Variants in ZZEF1 observed in about 807,000 individuals in gnomAD.
ZZEF1 encodes zinc finger ZZ-type and EF-hand domain-containing protein 1.
In ZZEF1, 157 loss-of-function variants were observed where a neutral mutation model predicts 342.8. The ratio of observed to expected loss-of-function variants is 0.46; its 90% confidence interval spans 0.40 to 0.52. ZZEF1 has a LOEUF of 0.52. Ranked by LOEUF, ZZEF1 falls within the 20% of genes least tolerant of loss-of-function variation. The pLI is 0.00. For synonymous variants in ZZEF1, 1,505 were observed against 1,429.1 expected, an observed-to-expected ratio of 1.05 and a Z score of -1.20; for missense variants, 3,480 against 3,725.6, an observed-to-expected ratio of 0.93 and a Z score of 1.72.
chr17:4,079,082 T>C (rs1022406409), intron 18 of ZZEF1, among the ~76,000 whole-genome samples: 3 of 152,256 alleles, frequency 2.0e-5, no homozygotes, highest in African/African-American at 7.2e-5. Context: ...TATACAATTA[T>C]GCGAAATTCT....
intron 24 of ZZEF1, among the ~76,000 whole-genome samples, chr17:4,073,408 T>C (rs1027447020): frequency 6.6e-6 from 1 of 152,054 alleles, no homozygotes; most frequent in South Asian, 2.1e-4. Flanking sequence ...AAGAATTAAA[T>C]AAACAATTAT....
chr17:4,121,788 T>C (rs1042030270), intron 2 of ZZEF1, among the ~76,000 whole-genome samples: 4 of 151,740 alleles, frequency 2.6e-5, no homozygotes, highest in African/African-American at 7.3e-5. Flanking sequence ...AGTGGCGTGA[T>C]CACGGCTCAC....
Position 4,006,883 on chromosome 17 carries a change from C to T in ZZEF1, c.*7G>A. 1 of 1,580,180 alleles carries T rather than the reference C, an allele frequency of 6.3e-7. No homozygotes were observed. ...ATGAACTAGTCCCATGCACGCCCCA[C>T]CAAGGGCTAACACTCCACATTCCAG... On this transcript the variant is annotated 3_prime_UTR_variant, in exon 55 of 55. Transcript: ENST00000381638.
At chr17:4,132,763 A>C (rs12947193) in intron 1 of ZZEF1, among the ~76,000 whole-genome samples, 32 of 61,610 alleles carry the variant, frequency 5.2e-4, no homozygotes, top group African/African-American at 1.1e-3. Context: ...TCAGGAGATC[A>C]AGACCATCCT....
Position 4,109,732 on chromosome 17 carries a change from A to G in ZZEF1, c.1198T>C (p.Trp400Arg). 1 of 1,614,202 alleles carries G rather than the reference A, an allele frequency of 6.2e-7. No homozygotes were observed. The highest frequency in any genetic ancestry group is 8.5e-7 in the Non-Finnish European group (1 of 1,180,038). Reference protein sequence around the residue: ...SVSDASAIWYWSLLTSLVTAS... With the variant: ...SVSDASAIWYRSLLTSLVTAS... Reference sequence around the variant, plus strand: ...GTCACCAGAGATGTCAGCAGAGACCAATACCATATTGCAGAAGCATCTGAG... The same window carrying G: ...GTCACCAGAGATGTCAGCAGAGACCGATACCATATTGCAGAAGCATCTGAG... The change falls in exon 6 of 55, where the codon TGG becomes CGG. Residue 400 changes from tryptophan to arginine, a missense_variant. This residue lies in a region of ZZEF1 where 1,528 missense variants were observed against 1,624.1 expected (regional missense o/e 0.94). Coordinates refer to ENST00000381638, the MANE Select transcript of ZZEF1 (RefSeq NM_015113.4).
chr17:4,110,135 T>G (rs1055717622), intron 5 of ZZEF1, among the ~76,000 whole-genome samples: 2 of 152,166 alleles, frequency 1.3e-5, no homozygotes, highest in African/African-American at 4.8e-5. Context: ...TTAGGAGTCT[T>G]GAAAAAACTA....
chr17:4,103,312 G>A (rs1310071877), intron 8 of ZZEF1, among the ~76,000 whole-genome samples: 2 of 152,104 alleles, frequency 1.3e-5, no homozygotes, highest in Admixed American at 6.5e-5. Flanking sequence ...GGAGGCTGAG[G>A]TGGGAGTACT....
rs1184937744 is a variant in ZZEF1, at chr17:4,117,155, T to C, written c.511A>G (p.Ile171Val). The stretch of plus-strand genomic sequence containing the variant: ...AGGCCCTCCTTCGACTCTGAAAATA[T>C]GTCTGTGAAACCTAAACAGATGAAA... ...ACSLVPGFTDIFSESKEGLDI... is the reference protein window; with the variant it reads ...ACSLVPGFTDVFSESKEGLDI... Residue 171 changes from isoleucine to valine, a missense_variant, in exon 3 of 55, where the codon ATA becomes GTA. By Grantham distance (29) the Ile-to-Val change is conservative. Around this residue, in one of 5 missense-constraint regions of ZZEF1, gnomAD observed 416 missense variants for 374.2 expected, o/e 1.11. Transcript: ENST00000381638. The C allele has an allele frequency of 4.3e-6, 7 of 1,612,298 alleles. No individual in the cohort carries two copies. The highest frequency in any genetic ancestry group is 2.7e-5 in the African/African-American group (2 of 74,900).
chr17:4,037,485 A>C (rs896053439), intron 39 of ZZEF1, among the ~76,000 whole-genome samples: 2 of 152,266 alleles, frequency 1.3e-5, no homozygotes, highest in African/African-American at 4.8e-5. Flanking sequence ...TGTGATCTTC[A>C]AAAGCTCATG....
At chr17:4,123,529 A>C (rs11649992) in intron 2 of ZZEF1, among the ~76,000 whole-genome samples, 76,962 of 151,366 alleles carry the variant, frequency 0.51, 21,969 homozygotes, top group East Asian at 0.74. Context: ...ACTATAGTAC[A>C]TGAGTGAAGA....
At chr17:4,039,850 T>C (rs889833890) in intron 39 of ZZEF1, among the ~76,000 whole-genome samples, 4 of 152,038 alleles carry the variant, frequency 2.6e-5, no homozygotes, top group Non-Finnish European at 5.9e-5. Flanking sequence ...TTCACTGTGT[T>C]AGCCAGGATG....
At chr17:4,019,865 A>C in intron 45 of ZZEF1, 96 bp from the exon 46 acceptor site, 1 of 870,382 alleles carries the variant, frequency 1.1e-6, no homozygotes, top group Non-Finnish European at 1.7e-6. Context: ...AATATAGCAA[A>C]AGCTGCCACA....
chr17:4,013,441 C>G lies in ZZEF1; in HGVS notation c.8579+8G>C. 1.2e-6 allele frequency: 2 copies of G among 1,602,778 alleles called. No individual in the cohort carries two copies. Among genetic ancestry groups the G allele is most frequent in the East Asian group, 2.3e-5 (1 of 44,386 alleles). On this transcript the variant is annotated splice_region_variant and intron_variant, in intron 52 of 54. Coordinates refer to ENST00000381638, the MANE Select transcript of ZZEF1 (RefSeq NM_015113.4). ...TGGCAAAGGGCTGCCATCCGGGACACCGCTTACCTGTGGCCGCAGCATCGC... is the reference window on the plus strand; with the variant it reads ...TGGCAAAGGGCTGCCATCCGGGACAGCGCTTACCTGTGGCCGCAGCATCGC...
In ZZEF1 at chr17:4,064,383, C is replaced by T. The variant is rs1349896417; in HGVS notation, c.4696G>A (p.Asp1566Asn). 6.3e-7 allele frequency: 1 copy of T among 1,598,076 alleles called. No individual in the cohort carries two copies. The highest frequency in any genetic ancestry group is 8.6e-7 in the Non-Finnish European group (1 of 1,168,160). Reference sequence around the variant, plus strand: ...TACCTCCTGTGCGAGAGCGACTGATCCTTAATGAAGTCCATGACGTCCTTC... The same window carrying T: ...TACCTCCTGTGCGAGAGCGACTGATTCTTAATGAAGTCCATGACGTCCTTC... Reference protein sequence around the residue: ...VLKDVMDFIKDQSLSHRSVVK... With the variant: ...VLKDVMDFIKNQSLSHRSVVK... The change falls in exon 29 of 55, where the codon GAT becomes AAT. Residue 1566 changes from aspartate to asparagine, a missense_variant. This residue lies in a region of ZZEF1 where 1,528 missense variants were observed against 1,624.1 expected (regional missense o/e 0.94). Transcript: ENST00000381638.
intron 45 of ZZEF1, among the ~76,000 whole-genome samples, chr17:4,020,882 G>A (rs1310391557): frequency 6.6e-6 from 1 of 152,242 alleles, no homozygotes; most frequent in African/African-American, 2.4e-5. Flanking sequence ...GTTTGAATGT[G>A]TATTTTATGG....
At chr17:4,035,305 G>A (rs977033213) in intron 39 of ZZEF1, among the ~76,000 whole-genome samples, 1 of 152,146 alleles carries the variant, frequency 6.6e-6, no homozygotes, top group African/African-American at 2.4e-5. Flanking sequence ...TATATCCATA[G>A]TATGAAAACA....
Position 4,050,945 on chromosome 17 carries a change from C to T in ZZEF1, c.5699G>A (p.Trp1900Ter). The T allele has an allele frequency of 6.2e-7, 1 of 1,614,198 alleles. No individual in the cohort carries two copies. The highest frequency in any genetic ancestry group is 8.5e-7 in the Non-Finnish European group (1 of 1,180,038). ...GAGAGCCAGGGCAGCAAAGAGCAGC[C>T]AGGAGTAGTTATGGATATATGGCTG... ...LIQPYIHNYSWLLFAALALYS... is the reference protein window; with the variant it reads ...LIQPYIHNYS Residue 1900 changes from tryptophan (W) to a stop codon, truncating the protein, a stop_gained, in exon 36 of 55, where the codon TGG (tryptophan) becomes TAG (stop). Coordinates refer to ENST00000381638, the MANE Select transcript of ZZEF1 (RefSeq NM_015113.4). LOFTEE classifies it high-confidence loss of function.
chr17:4,142,983 C>T lies in ZZEF1; in HGVS notation c.-88G>A, dbSNP rs115973899. On this transcript the variant is annotated 5_prime_UTR_variant, in exon 1 of 55. Transcript: ENST00000381638. ...TCAACCTCCGACAGCAGCTGGCGGG[C>T]GGGGACGCGGAGGAGACGACGGCGG... 203 of 1,262,238 alleles carry T rather than the reference C, an allele frequency of 1.6e-4. No homozygotes were observed. The African/African-American group carries it at 3.1e-3, about 19-fold the overall frequency. 78.2% of individuals were successfully genotyped at this position (1,262,238 alleles called of 1,614,324 possible).
At position 4,076,629 on chromosome 17, in the gene ZZEF1, C is replaced by A; in HGVS notation, c.3234+8G>T. 6.2e-7 allele frequency: 1 copy of A among 1,604,672 alleles called. No homozygotes were observed. Among genetic ancestry groups the A allele is most frequent in the South Asian group, 1.1e-5 (1 of 90,814 alleles). ...ACACGGGGCGGCTCAAGTGCTGACT[C>A]GAGTTACCTTCCTCAGTCCTCCTTC... On this transcript the variant is annotated splice_region_variant and intron_variant, in intron 21 of 54. Coordinates refer to ENST00000381638, the MANE Select transcript of ZZEF1 (RefSeq NM_015113.4).
Sources: gnomAD v4.1 joint callset for allele counts (sites outside exome capture counted in the v4.1 genomes callset) on GRCh38, gnomAD v4.1.1 for gene constraint, gnomAD v4.1.1 regional missense constraint, MANE v1.5 for transcripts, NCBI Gene and HGNC (gene_info 2026-07-23, HGNC 2026-07-21) for gene names.